Variants in ACOXL observed in about 807,000 individuals in gnomAD.
The protein encoded by ACOXL is acyl-CoA oxidase like.
ACOXL carries 70 observed loss-of-function variants against 71.9 expected under a neutral mutation model. The observed-to-expected ratio is 0.97, with a 90% CI of 0.80 to 1.19. The LOEUF is 1.19. Ranked by LOEUF, ACOXL falls within the 50% of genes most tolerant of loss-of-function variation. The pLI, the probability that ACOXL is intolerant of heterozygous loss-of-function variation, is 0.00. For synonymous variants in ACOXL, 253 were observed against 281.6 expected, an observed-to-expected ratio of 0.90 and a Z score of 1.02; for missense variants, 703 against 736.3, an observed-to-expected ratio of 0.95 and a Z score of 0.52.
chr2:111,076,540 G>A (rs1003083267), intron 16 of ACOXL, among the ~76,000 whole-genome samples: 2 of 151,896 alleles, frequency 1.3e-5, no homozygotes, highest in Non-Finnish European at 2.9e-5. Context: ...TTTAAAATTT[G>A]TCTCTTGATT....
At chr2:110,880,723 G>T (rs1181188999) in intron 10 of ACOXL, among the ~76,000 whole-genome samples, 1 of 152,184 alleles carries the variant, frequency 6.6e-6, no homozygotes, top group Non-Finnish European at 1.5e-5. Context: ...TGAGGTGAGA[G>T]GATTACTCGA....
intron 10 of ACOXL, among the ~76,000 whole-genome samples, chr2:110,877,620 G>A (rs4849155): frequency 0.7 from 105,959 of 152,062 alleles, 37,121 homozygotes; most frequent in South Asian, 0.82. Context: ...CAGAGACTCC[G>A]CTCTACTTGG....
chr2:110,933,201 T>A (rs950747819), intron 11 of ACOXL, among the ~76,000 whole-genome samples: 2 of 152,220 alleles, frequency 1.3e-5, no homozygotes, highest in African/African-American at 4.8e-5. Flanking sequence ...CATAGAGTTT[T>A]AGAATATTAT....
chr2:111,093,725 G>C (rs552959012), intron 17 of ACOXL: 1 of 506,338 alleles, frequency 2.0e-6, no homozygotes. Context: ...TTAGCTGGGC[G>C]TGGTGGCATG....
intron 16 of ACOXL, among the ~76,000 whole-genome samples, chr2:111,068,849 A>G (rs533346678): frequency 1.3e-5 from 2 of 152,278 alleles, no homozygotes; most frequent in East Asian, 3.9e-4. Flanking sequence ...CTGCTGTCAT[A>G]TTTGATGACA....
chr2:110,784,445 AGGCG>A (rs1683702209), intron 2 of ACOXL, among the ~76,000 whole-genome samples: 1 of 152,194 alleles, frequency 6.6e-6, no homozygotes, highest in African/African-American at 2.4e-5. Flanking sequence ...GCAAGGCACG[AGGCG>A]AGTCGGTCGC....
At chr2:110,883,933 G>T (rs1166252350) in intron 10 of ACOXL, among the ~76,000 whole-genome samples, 1 of 152,104 alleles carries the variant, frequency 6.6e-6, no homozygotes, top group Non-Finnish European at 1.5e-5. Flanking sequence ...AGGGGAGGTT[G>T]GTTAAAGAAA....
Position 110,805,402 on chromosome 2 carries a change from G to A in ACOXL, c.753+7G>A, listed in dbSNP as rs1686513947. 6 of 1,614,202 alleles carry A rather than the reference G, an allele frequency of 3.7e-6. No homozygotes were observed. Among genetic ancestry groups the A allele is most frequent in the Non-Finnish European group, 4.2e-6 (5 of 1,180,014 alleles). On this transcript the variant is annotated splice_region_variant and intron_variant, in intron 9 of 17. Transcript: ENST00000439055. Reference sequence around the variant, plus strand: ...AGCTATGGGTGCCATGAAGGTAATTGACTCTGATTTTAACTTAATTATCTA... The same window carrying A: ...AGCTATGGGTGCCATGAAGGTAATTAACTCTGATTTTAACTTAATTATCTA...
chr2:110,796,338 C>T (rs1685275220), intron 5 of ACOXL, among the ~76,000 whole-genome samples: 1 of 152,136 alleles, frequency 6.6e-6, no homozygotes, highest in South Asian at 2.1e-4. Flanking sequence ...AAGTCTCTGG[C>T]CAAAGGCATC....
intron 1 of ACOXL, among the ~76,000 whole-genome samples, chr2:110,756,482 G>A (rs552339668): frequency 6.6e-6 from 1 of 152,318 alleles, no homozygotes; most frequent in South Asian, 2.1e-4. Flanking sequence ...TTTGGGCGAT[G>A]TGTGTATTAT....
chr2:110,948,703 T>TA (rs5833377), intron 12 of ACOXL, among the ~76,000 whole-genome samples: 1,259 of 70,784 alleles, frequency 0.018, 17 homozygotes, highest in African/African-American at 0.028. Flanking sequence ...CCAGAAGAAC[T>TA]AAAAAAAAAA....
At chr2:110,886,640 A>G (rs1172684245) in intron 10 of ACOXL, 2 of 1,119,078 alleles carry the variant, frequency 1.8e-6, no homozygotes, top group African/African-American at 3.1e-5. Flanking sequence ...CGGCTTCTCA[A>G]AATGCTGGGA....
intron 10 of ACOXL, among the ~76,000 whole-genome samples, 154 bp downstream of exon 10, chr2:110,841,559 A>G (rs1691180824): frequency 6.6e-6 from 1 of 152,176 alleles, no homozygotes; most frequent in Non-Finnish European, 1.5e-5. Context: ...CTTGATTGGC[A>G]AGAGCACATT....
intron 9 of ACOXL, among the ~76,000 whole-genome samples, chr2:110,839,879 A>G (rs1159208006): frequency 6.6e-6 from 1 of 152,106 alleles, no homozygotes; most frequent in Non-Finnish European, 1.5e-5. Context: ...ATTTGGACCA[A>G]CATCAAGGGA....
Position 111,058,451 on chromosome 2 carries a change from G to A in ACOXL, c.1440+9163G>A, listed in dbSNP as rs549859888. ...GGGAAGTCACGCTGGATGGATTGACGAAGGCAGCAAAGCCTAGCAGTCACA... is the reference window on the plus strand; with the variant it reads ...GGGAAGTCACGCTGGATGGATTGACAAAGGCAGCAAAGCCTAGCAGTCACA... On this transcript the variant is annotated intron_variant, in intron 16 of 17. Coordinates refer to ENST00000439055, the MANE Select transcript of ACOXL (RefSeq NM_001142807.4). Among the ~76,000 whole-genome samples the A allele has an allele frequency of 2.6e-5, 4 of 152,322 alleles. No individual in the cohort carries two copies. The South Asian group carries it at 6.2e-4, about 24-fold the overall frequency.
At position 111,096,542 on chromosome 2, in the gene ACOXL, G is replaced by C. The variant is rs137857358; in HGVS notation, c.1542+3576G>C. Reference sequence around the variant, plus strand: ...AGGCAAAAATTTGTTTTTATATCATGCATGTCACTTTTTCGTTTCCTGTTC... The same window carrying C: ...AGGCAAAAATTTGTTTTTATATCATCCATGTCACTTTTTCGTTTCCTGTTC... On this transcript the variant is annotated intron_variant, in intron 17 of 17. Coordinates refer to ENST00000439055, the MANE Select transcript of ACOXL (RefSeq NM_001142807.4). Among the ~76,000 whole-genome samples, 338 of 152,172 alleles carry C rather than the reference G, an allele frequency of 2.2e-3. 3 individuals carry two copies. Among genetic ancestry groups the C allele is most frequent in the African/African-American group, 8.0e-3 (333 of 41,516 alleles).
chr2:110,915,552 C>G (rs1429878492), intron 11 of ACOXL, among the ~76,000 whole-genome samples: 2 of 150,518 alleles, frequency 1.3e-5, no homozygotes, highest in Non-Finnish European at 3.0e-5. Flanking sequence ...GCCTCCTGAG[C>G]AACTGGGATT....
chr2:110,854,823 G>A (rs1693045132), intron 10 of ACOXL, among the ~76,000 whole-genome samples: 2 of 152,158 alleles, frequency 1.3e-5, no homozygotes, highest in Non-Finnish European at 2.9e-5. Context: ...CCTGTCCTCT[G>A]GCATGGGGTC....
chr2:110,957,121 C>CT (rs368836326), intron 12 of ACOXL, among the ~76,000 whole-genome samples: 12 of 150,056 alleles, frequency 8.0e-5, no homozygotes, highest in Admixed American at 1.3e-4. Flanking sequence ...ATCTTACTCA[C>CT]TTTTTTTTTT....
Sources: allele counts gnomAD v4.1 joint callset (sites outside exome capture counted in the v4.1 genomes callset), GRCh38; gene constraint gnomAD v4.1.1; transcripts MANE v1.5; gene names NCBI Gene and HGNC (gene_info 2026-07-23, HGNC 2026-07-21).